Variants in CCAR1 observed in about 807,000 individuals in gnomAD.
CCAR1 encodes the protein cell division cycle and apoptosis regulator 1.
A neutral mutation model predicts 163.8 loss-of-function variants in CCAR1; 78 were observed. The ratio of observed to expected loss-of-function variants is 0.48; its 90% CI spans 0.40 to 0.57. The LOEUF is 0.57. CCAR1 is among the 20% of genes least tolerant of loss of function. The pLI, the probability that CCAR1 is intolerant of heterozygous loss-of-function variation, is 0.00. For synonymous variants in CCAR1, 443 were observed against 460.7 expected, an observed-to-expected ratio of 0.96 and a Z score of 0.49; for missense variants, 1,019 against 1,365.2, an observed-to-expected ratio of 0.75 and a Z score of 4.00.
At chr10:68,735,336 G>A (rs928652502) in intron 2 of CCAR1, among the ~76,000 whole-genome samples, 1 of 149,516 alleles carries the variant, frequency 6.7e-6, no homozygotes, top group Admixed American at 6.7e-5. Flanking sequence ...GTGACAAAGT[G>A]AGACTCTGTC....
intron 2 of CCAR1, among the ~76,000 whole-genome samples, chr10:68,729,596 C>T (rs1476496741): frequency 1.3e-5 from 2 of 151,338 alleles, no homozygotes; most frequent in Non-Finnish European, 2.9e-5. Context: ...GTAATCCTAG[C>T]GCTTTGAGAG....
rs538740934 is a variant in CCAR1 at position 68,732,987 on chromosome 10, G to T, written c.74-3889G>T. On this transcript the variant is annotated intron_variant, in intron 2 of 24. Coordinates refer to ENST00000265872, the MANE Select transcript of CCAR1 (RefSeq NM_018237.4). ...GCACTATTTTTTCTGTATTCTCATT[G>T]CGGTTAACCTCATTTTGAATTAATA... 8.5e-5 allele frequency among the ~76,000 whole-genome samples: 13 copies of T among 152,228 alleles called. No homozygotes were observed. The South Asian group carries it at 2.7e-3, about 32-fold the overall frequency.
intron 24 of CCAR1, 72 bp from the exon 25 acceptor site, chr10:68,791,127 ATACCATTG>A: frequency 2.7e-6 from 2 of 738,830 alleles, no homozygotes; most frequent in South Asian, 4.3e-5. Context: ...ACCAAACTGA[ATACCATTG>A]TACTCTAAAA....
intron 18 of CCAR1, 105 bp from the exon 19 acceptor site, chr10:68,772,883 A>T (rs2056620496): frequency 3.9e-6 from 2 of 518,120 alleles, no homozygotes; most frequent in South Asian, 5.4e-5. Context: ...GGCCCAGGCC[A>T]GTGGATCGCT....
chr10:68,737,956 TAGAG>T, intron 4 of CCAR1, 67 bp downstream of exon 4: 2 of 1,035,924 alleles, frequency 1.9e-6, no homozygotes, highest in Non-Finnish European at 2.9e-6. Context: ...GTTCAATTGA[TAGAG>T]AGTTTTATTT....
At chr10:68,762,842 G>A (rs764586670) in intron 16 of CCAR1, among the ~76,000 whole-genome samples, 5 of 152,000 alleles carry the variant, frequency 3.3e-5, no homozygotes, top group African/African-American at 2.4e-5. Context: ...AAAGATAAAA[G>A]AAAGAAGTGG....
intron 21 of CCAR1, 49 bp downstream of exon 21, chr10:68,786,741 C>G: frequency 3.4e-6 from 5 of 1,484,424 alleles, no homozygotes; most frequent in Non-Finnish European, 4.6e-6. Context: ...TTAAAAGTTA[C>G]CTTTCCAGTG....
chr10:68,748,150 G>T (rs565412662), intron 8 of CCAR1, among the ~76,000 whole-genome samples: 1 of 152,140 alleles, frequency 6.6e-6, no homozygotes, highest in African/African-American at 2.4e-5. Flanking sequence ...CGCTGCACCC[G>T]GTCCAGACGT....
chr10:68,750,571 T>C (rs993833115), intron 10 of CCAR1, among the ~76,000 whole-genome samples: 2 of 152,154 alleles, frequency 1.3e-5, no homozygotes, highest in Non-Finnish European at 2.9e-5. Context: ...AAAGGTAATA[T>C]TAACTAGCAA....
In CCAR1 at chr10:68,730,594, C is replaced by T. The variant is rs977979903; in HGVS notation, c.74-6282C>T. 2.6e-5 allele frequency among the ~76,000 whole-genome samples: 4 copies of T among 152,188 alleles called. No homozygotes were observed. The East Asian group carries it at 7.7e-4, about 29-fold the overall frequency. The stretch of plus-strand genomic sequence containing the variant: ...CTTGTGATCTGCCCGCCTCAGTCTC[C>T]CAAAGTGCTGGGATTACAGGCGTGA... On this transcript the variant is annotated intron_variant, in intron 2 of 24. Coordinates refer to ENST00000265872, the MANE Select transcript of CCAR1 (RefSeq NM_018237.4).
At position 68,771,332 on chromosome 10, in the gene CCAR1, G is replaced by A; in HGVS notation, c.2425G>A (p.Asp809Asn). 1 of 1,608,320 alleles carries A rather than the reference G, an allele frequency of 6.2e-7. No homozygotes were observed. Among genetic ancestry groups the A allele is most frequent in the Admixed American group, 1.7e-5 (1 of 59,420 alleles). The change falls in exon 18 of 25, where the codon GAT becomes AAT. Residue 809 changes from aspartate to asparagine, a missense_variant. Asp to Asn is a conservative substitution (Grantham distance 23). This residue lies in a region of CCAR1 where 358 missense variants were observed against 406.4 expected (regional missense o/e 0.88). Transcript: ENST00000265872. The stretch of plus-strand genomic sequence containing the variant: ...AGAAAAGGATAAAAAAAGCAAAAAA[G>A]ATGAGAGAAAAGATAAAAAAGAAGA... Reference protein sequence around the residue: ...KKEKDKKSKKDERKDKKEERD... With the variant: ...KKEKDKKSKKNERKDKKEERD...
intron 19 of CCAR1, among the ~76,000 whole-genome samples, chr10:68,774,011 G>A (rs1310661040): frequency 1.3e-5 from 2 of 151,926 alleles, no homozygotes; most frequent in Non-Finnish European, 2.9e-5. Context: ...TCCTGCCTCA[G>A]CCTCCCAAGT....
At position 68,722,479 on chromosome 10, in the gene CCAR1, G is replaced by A. The variant is rs1363102002; in HGVS notation, c.-26G>A. The A allele has an allele frequency of 5.6e-6, 9 of 1,597,194 alleles. No individual in the cohort carries two copies. Among genetic ancestry groups the A allele is most frequent in the Non-Finnish European group, 6.0e-6 (7 of 1,164,644 alleles). ...GATCGATGCTATAGAAGACAAACAA[G>A]GGAAGGTTTTTTTTCCTTTTGCATC... is the stretch of plus-strand genomic sequence containing the variant. On this transcript the variant is annotated 5_prime_UTR_variant, in exon 2 of 25. Transcript: ENST00000265872.
chr10:68,766,272 G>A (rs2056534585), intron 17 of CCAR1, among the ~76,000 whole-genome samples, 193 bp downstream of exon 17: 1 of 151,522 alleles, frequency 6.6e-6, no homozygotes, highest in African/African-American at 2.4e-5. Context: ...GCATGATGGT[G>A]GCTCACTGCA....
intron 15 of CCAR1, 111 bp from the exon 16 acceptor site, chr10:68,760,893 ACAC>A: frequency 5.4e-6 from 2 of 373,602 alleles, no homozygotes; most frequent in Non-Finnish European, 4.8e-6. Flanking sequence ...AAAAAAAAAA[ACAC>A]ACAAAATATA....
In CCAR1 at chr10:68,737,016, C is replaced by T. The variant is rs79020072; in HGVS notation, c.214C>T (p.Gln72Ter). The change falls in exon 3 of 25, where the codon CAA (glutamine) becomes TAA (stop). Residue 72 changes from glutamine (Q) to a stop codon, truncating the protein, a stop_gained. Coordinates refer to ENST00000265872, the MANE Select transcript of CCAR1 (RefSeq NM_018237.4). LOFTEE classifies it high-confidence loss of function. Reference protein sequence around the residue: ...QLTQTAALQQQAAAAAAALQQ... With the variant: ...QLTQTAALQQ ...AACACAAACTGCTGCATTGCAGCAA[C>T]AAGCCGCAGCTGCAGCAGCTGCATT... is the stretch of plus-strand genomic sequence containing the variant. The T allele has an allele frequency of 1.3e-6, 2 of 1,582,054 alleles. No individual in the cohort carries two copies. The highest frequency in any genetic ancestry group is 1.7e-6 in the Non-Finnish European group (2 of 1,166,834).
At chr10:68,766,145 C>CT in intron 17 of CCAR1, 66 bp downstream of exon 17, 1 of 925,226 alleles carries the variant, frequency 1.1e-6, no homozygotes. Context: ...TAATATATCT[C>CT]TATCTCTGAA....
At chr10:68,763,186 C>T (rs1249946478) in intron 16 of CCAR1, among the ~76,000 whole-genome samples, 2 of 152,042 alleles carry the variant, frequency 1.3e-5, no homozygotes, top group Non-Finnish European at 2.9e-5. Context: ...GAGTCTCGCC[C>T]TGTTGCCAGG....
intron 11 of CCAR1, 36 bp downstream of exon 11, chr10:68,754,113 T>A: frequency 7.2e-7 from 1 of 1,379,604 alleles, no homozygotes; most frequent in Admixed American, 1.8e-5. Flanking sequence ...CTTAAATTTC[T>A]TAGCAGTTAT....
Sources: allele counts gnomAD v4.1 joint callset (sites outside exome capture counted in the v4.1 genomes callset), GRCh38; gene constraint gnomAD v4.1.1; regional missense constraint gnomAD v4.1.1; transcripts MANE v1.5; gene names NCBI Gene and HGNC (gene_info 2026-07-23, HGNC 2026-07-21).